The following CDH6 variants were observed in gnomAD, a reference collection of about 807,000 sequenced individuals.
CDH6 encodes cadherin 6, also known as cadherin-6.
In CDH6, 31 loss-of-function variants were observed where a neutral mutation model predicts 78.0. The observed-to-expected ratio is 0.40, with a 90% CI of 0.30 to 0.54. CDH6 has a LOEUF of 0.54. Ranked by LOEUF, CDH6 falls within the 20% of genes least tolerant of loss-of-function variation. CDH6 has a pLI of 0.56. For synonymous variants in CDH6, 376 were observed against 368.8 expected (o/e 1.02, Z -0.23); for missense variants, 724 against 975.9 (o/e 0.74, Z 3.44).
intron 1 of CDH6, among the ~76,000 whole-genome samples, chr5:31,198,230 T>C (rs1252404014): frequency 6.6e-6 from 1 of 152,208 alleles, no homozygotes; most frequent in East Asian, 1.9e-4. Flanking sequence ...TGGAGTAGAC[T>C]CATATGCAGA....
At chr5:31,308,991 G>A (rs946946551) in intron 7 of CDH6, among the ~76,000 whole-genome samples, 13 of 151,842 alleles carry the variant, frequency 8.6e-5, no homozygotes, top group Non-Finnish European at 1.2e-4. Context: ...TGTAATTAAC[G>A]ATGTGCTATA....
intron 2 of CDH6, among the ~76,000 whole-genome samples, chr5:31,286,093 T>C (rs1349685361): frequency 6.6e-6 from 1 of 152,206 alleles, no homozygotes; most frequent in African/African-American, 2.4e-5. Context: ...TGATATCTTA[T>C]CCAATTTAAT....
At chr5:31,320,427 A>C (rs1738450106) in intron 11 of CDH6, among the ~76,000 whole-genome samples, 1 of 152,294 alleles carries the variant, frequency 6.6e-6, no homozygotes, top group Admixed American at 6.5e-5. Context: ...GAGGTGATAA[A>C]TGCCTGCCCC....
intron 1 of CDH6, among the ~76,000 whole-genome samples, chr5:31,210,097 T>TGTGTGTG (rs1740653091): frequency 6.6e-6 from 1 of 151,764 alleles, no homozygotes; most frequent in Admixed American, 6.6e-5. Context: ...TGTGTGTGTG[T>TGTGTGTG]GTGTGTGTGT....
intron 1 of CDH6, among the ~76,000 whole-genome samples, chr5:31,244,159 G>C (rs1741682565): frequency 6.6e-6 from 1 of 152,212 alleles, no homozygotes; most frequent in Non-Finnish European, 1.5e-5. Flanking sequence ...AATTAAGCCA[G>C]ATGTGTGTAT....
At chr5:31,263,102 T>C (rs534844955) in intron 1 of CDH6, among the ~76,000 whole-genome samples, 6 of 152,256 alleles carry the variant, frequency 3.9e-5, no homozygotes, top group South Asian at 2.1e-4. Flanking sequence ...ACTGGATAAT[T>C]TATAAAGAAA....
At chr5:31,290,969 G>C (rs537259380) in intron 2 of CDH6, among the ~76,000 whole-genome samples, 1 of 152,182 alleles carries the variant, frequency 6.6e-6, no homozygotes, top group African/African-American at 2.4e-5. Context: ...ACATTGTTTC[G>C]GGTGTTTGTT....
chr5:31,314,937 A>T (rs1434621928), intron 8 of CDH6, among the ~76,000 whole-genome samples: 1 of 152,190 alleles, frequency 6.6e-6, no homozygotes, highest in Admixed American at 6.5e-5. Flanking sequence ...GTAAAATTTT[A>T]GACATTTTAA....
intron 2 of CDH6, among the ~76,000 whole-genome samples, chr5:31,285,976 G>A (rs546878364): frequency 1.5e-3 from 230 of 152,240 alleles, no homozygotes; most frequent in African/African-American, 5.4e-3. Flanking sequence ...GCAATTTCAG[G>A]AACGTATATT....
At chr5:31,194,073 G>C (rs1340719749) in intron 1 of CDH6, among the ~76,000 whole-genome samples, 187 bp downstream of exon 1, 4 of 152,090 alleles carry the variant, frequency 2.6e-5, no homozygotes, top group African/African-American at 7.2e-5. Context: ...TGCGCGGGCG[G>C]CGCTGCTGCC....
intron 2 of CDH6, among the ~76,000 whole-genome samples, chr5:31,275,200 A>G (rs1432535668): frequency 2.0e-5 from 3 of 152,198 alleles, no homozygotes; most frequent in Admixed American, 2.0e-4. Flanking sequence ...AATTGTTTTC[A>G]ACTTCATTTT....
At chr5:31,240,809 T>G (rs991756263) in intron 1 of CDH6, among the ~76,000 whole-genome samples, 6 of 152,190 alleles carry the variant, frequency 3.9e-5, no homozygotes, top group Non-Finnish European at 8.8e-5. Flanking sequence ...GTGGCACAGT[T>G]GAACATTACG....
At chr5:31,219,598 A>G (rs531836772) in intron 1 of CDH6, among the ~76,000 whole-genome samples, 2 of 152,004 alleles carry the variant, frequency 1.3e-5, no homozygotes, top group Non-Finnish European at 2.9e-5. Context: ...CCATCACATT[A>G]CCCAGTTTCA....
chr5:31,317,644 A>ACATT, intron 10 of CDH6, 29 bp from the exon 11 acceptor site: 1 of 1,598,224 alleles, frequency 6.3e-7, no homozygotes, highest in South Asian at 1.1e-5. Context: ...GTATCCACAT[A>ACATT]CATTCACCAC....
chr5:31,269,839 C>A (rs954925296), intron 2 of CDH6, among the ~76,000 whole-genome samples: 2 of 152,096 alleles, frequency 1.3e-5, no homozygotes, highest in African/African-American at 4.8e-5. Flanking sequence ...TTCCCTGCTG[C>A]CCCTCCTTCT....
chr5:31,235,230 C>CTTTTTTTT (rs1228977478), intron 1 of CDH6, among the ~76,000 whole-genome samples: 1 of 45,982 alleles, frequency 2.2e-5, no homozygotes, highest in Admixed American at 3.6e-4. Flanking sequence ...TTTTCTATTC[C>CTTTTTTTT]TTTTTCTTTT....
chr5:31,265,767 ATG>A lies in CDH6; in HGVS notation c.-128-1577_-128-1576del, dbSNP rs1394803222. Among the ~76,000 whole-genome samples, 636 of 112,436 alleles carry A rather than the reference ATG, an allele frequency of 5.7e-3. 10 individuals carry two copies. The highest frequency in any genetic ancestry group is 0.02 in the African/African-American group (611 of 30,026). The allele number at this position is 112,436 out of a possible 152,430, so 73.8% of individuals were successfully genotyped here. A position where few individuals can be genotyped will look rare whatever the true frequency, so the allele number is the denominator to read the frequency against. On this transcript the variant is annotated intron_variant, in intron 1 of 11. Transcript: ENST00000265071. ...GTTGTTGTTAGTATTATTTAAGACA[ATG>A]TTTTTTTTTTTTTTTTTTTTTTTGA...
chr5:31,318,062 G>T (rs1479079428), intron 11 of CDH6, 138 bp downstream of exon 11: 1 of 1,042,082 alleles, frequency 9.6e-7, no homozygotes, highest in Non-Finnish European at 1.5e-6. Context: ...CTGAGAATCT[G>T]TGCTGTACGA....
intron 7 of CDH6, among the ~76,000 whole-genome samples, chr5:31,308,463 G>A (rs970614793): frequency 1.4e-4 from 21 of 150,126 alleles, no homozygotes; most frequent in Admixed American, 1.1e-3. Flanking sequence ...CCTAGCAGAA[G>A]GATCTGCTAT....
Sources: allele counts gnomAD v4.1 joint callset (sites outside exome capture counted in the v4.1 genomes callset), GRCh38; gene constraint gnomAD v4.1.1; transcripts MANE v1.5; gene names NCBI Gene and HGNC (gene_info 2026-07-23, HGNC 2026-07-21).